The following MSI2 variants were observed in gnomAD, a reference collection of about 807,000 sequenced individuals.
MSI2 encodes RNA-binding protein Musashi homolog 2.
A neutral mutation model predicts 45.6 loss-of-function variants in MSI2; 17 were observed. The ratio of observed to expected loss-of-function variants is 0.37; its 90% CI spans 0.26 to 0.56. The LOEUF (loss-of-function observed/expected upper bound fraction) is 0.56, where lower values mean the gene tolerates loss of function less well. Ranked by LOEUF, MSI2 falls within the 20% of genes least tolerant of loss-of-function variation. The pLI is 0.77. For synonymous variants in MSI2, 156 were observed against 158.2 expected, an observed-to-expected ratio of 0.99 and a Z score of 0.11; for missense variants, 293 against 444.2, an observed-to-expected ratio of 0.66 and a Z score of 3.06.
chr17:57,626,995 C>A, intron 9 of MSI2: 1 of 592,750 alleles, frequency 1.7e-6, no homozygotes. Flanking sequence ...AGTACATGGG[C>A]TTTGCGGGGT....
At chr17:57,675,238 G>C in intron 12 of MSI2, 112 bp downstream of exon 12, 2 of 1,093,584 alleles carry the variant, frequency 1.8e-6, no homozygotes. Flanking sequence ...AGGACAGAGG[G>C]TCCCCATCAA....
At chr17:57,300,236 T>C (rs1303311684) in intron 5 of MSI2, among the ~76,000 whole-genome samples, 1 of 152,212 alleles carries the variant, frequency 6.6e-6, no homozygotes, top group Non-Finnish European at 1.5e-5. Context: ...TTTACTCTCA[T>C]TCCAGGTGTC....
intron 7 of MSI2, among the ~76,000 whole-genome samples, chr17:57,547,741 T>TACAC (rs34631177): frequency 0.034 from 4,231 of 123,316 alleles, 87 homozygotes; most frequent in East Asian, 0.043. Flanking sequence ...AGACAAAAAG[T>TACAC]ACACACACAC....
At chr17:57,338,412 A>G (rs1303770031) in intron 5 of MSI2, among the ~76,000 whole-genome samples, 1 of 152,216 alleles carries the variant, frequency 6.6e-6, no homozygotes, top group Non-Finnish European at 1.5e-5. Context: ...TTTTTGAGAC[A>G]GTCTTGCTCT....
intron 8 of MSI2, among the ~76,000 whole-genome samples, chr17:57,609,517 G>A (rs530820992): frequency 6.6e-6 from 1 of 152,360 alleles, no homozygotes; most frequent in South Asian, 2.1e-4. Flanking sequence ...GGCCAAACAG[G>A]CTTTCCTTGT....
chr17:57,574,603 T>C (rs868545477), intron 7 of MSI2, among the ~76,000 whole-genome samples: 1 of 152,138 alleles, frequency 6.6e-6, no homozygotes, highest in Non-Finnish European at 1.5e-5. Flanking sequence ...CAGGCTGGCA[T>C]GTGTGCCAGG....
intron 6 of MSI2, among the ~76,000 whole-genome samples, chr17:57,510,477 G>A (rs1289549601): frequency 6.6e-6 from 1 of 151,792 alleles, no homozygotes; most frequent in Admixed American, 6.6e-5. Context: ...GCCCAAGCTG[G>A]AGTGCAATGG....
chr17:57,258,586 A>T (rs1415037316), intron 4 of MSI2, among the ~76,000 whole-genome samples: 1 of 152,038 alleles, frequency 6.6e-6, no homozygotes, highest in Non-Finnish European at 1.5e-5. Flanking sequence ...CTTGGGGAGG[A>T]GAGGGTTCGG....
intron 6 of MSI2, among the ~76,000 whole-genome samples, chr17:57,493,902 A>G (rs1049013890): frequency 1.3e-5 from 2 of 152,100 alleles, no homozygotes; most frequent in African/African-American, 4.8e-5. Context: ...TTTAATTACC[A>G]TTATACAGAT....
intron 10 of MSI2, chr17:57,633,228 C>T (rs1015733810): frequency 4.1e-6 from 4 of 987,532 alleles, no homozygotes; most frequent in Admixed American, 6.0e-5. Context: ...GTCCTGTTCT[C>T]GCTCCGGGGG....
intron 6 of MSI2, among the ~76,000 whole-genome samples, chr17:57,408,811 G>T (rs1567806996): frequency 6.6e-6 from 1 of 152,162 alleles, no homozygotes; most frequent in South Asian, 2.1e-4. Flanking sequence ...AGGAGAAAGC[G>T]CAGTTCATTT....
chr17:57,669,381 G>A (rs1469395460), intron 11 of MSI2, among the ~76,000 whole-genome samples: 1 of 152,194 alleles, frequency 6.6e-6, no homozygotes, highest in Non-Finnish European at 1.5e-5. Context: ...GTCCACTGAG[G>A]AATGGCAGAA....
chr17:57,504,776 C>T (rs1002925489), intron 6 of MSI2, among the ~76,000 whole-genome samples: 4 of 151,956 alleles, frequency 2.6e-5, no homozygotes, highest in Middle Eastern at 3.4e-3. Context: ...ACTAAAAATA[C>T]GAAAAATTAG....
At chr17:57,443,313 G>A (rs2084834953) in intron 6 of MSI2, among the ~76,000 whole-genome samples, 1 of 152,206 alleles carries the variant, frequency 6.6e-6, no homozygotes, top group Admixed American at 6.5e-5. Context: ...AGTCTTGGGC[G>A]CGTCTCCTCC....
chr17:57,384,238 T>C (rs959530616), intron 5 of MSI2, among the ~76,000 whole-genome samples: 1 of 152,170 alleles, frequency 6.6e-6, no homozygotes, highest in Non-Finnish European at 1.5e-5. Flanking sequence ...CTGGTTTCTT[T>C]TTCACCTGGT....
rs758795710 is a variant in MSI2 at position 57,627,042 on chromosome 17, ACAG to A, written c.653-182_653-180del. Reference sequence around the variant, plus strand: ...AATATGGGTTAATTAGCAACAGCTGACAGCAGCGCCCCCGGCCACAGGAGAGAG... The same window carrying A: ...AATATGGGTTAATTAGCAACAGCTGACAGCGCCCCCGGCCACAGGAGAGAG... On this transcript the variant is annotated intron_variant, in intron 9 of 13. Transcript: ENST00000284073. The surrounding 1 kb of genome is among the most constrained non-coding windows in gnomAD (Gnocchi z 4.6). The A allele has an allele frequency of 3.2e-6, 2 of 618,642 alleles. No homozygotes were observed. Among genetic ancestry groups the A allele is most frequent in the Non-Finnish European group, 5.8e-6 (2 of 345,976 alleles). 38.3% of individuals were successfully genotyped at this position (618,642 alleles called of 1,614,324 possible). A position where few individuals can be genotyped will look rare whatever the true frequency, so the allele number is the denominator to read the frequency against.
At chr17:57,531,616 G>A (rs995981775) in intron 7 of MSI2, among the ~76,000 whole-genome samples, 1 of 152,190 alleles carries the variant, frequency 6.6e-6, no homozygotes, top group Admixed American at 6.5e-5. Context: ...CATAGTCCTG[G>A]GAGATTCCAG....
chr17:57,628,358 C>T (rs1020324916), intron 10 of MSI2: 6 of 152,210 alleles, frequency 3.9e-5, no homozygotes, highest in African/African-American at 1.4e-4. Context: ...GACAGGAGGG[C>T]AGAGTGAGGG....
At chr17:57,273,842 C>G (rs1259169581) in intron 5 of MSI2, among the ~76,000 whole-genome samples, 3 of 152,204 alleles carry the variant, frequency 2.0e-5, no homozygotes, top group African/African-American at 7.2e-5. Flanking sequence ...GATCAGACCC[C>G]CTGGGCATCC....
Sources: gnomAD v4.1 joint callset for allele counts (sites outside exome capture counted in the v4.1 genomes callset) on GRCh38, gnomAD v4.1.1 for gene constraint, Gnocchi (gnomAD v3.1) non-coding constraint, MANE v1.5 for transcripts, NCBI Gene and HGNC (gene_info 2026-07-23, HGNC 2026-07-21) for gene names.